Variants in DMD observed in about 807,000 individuals in gnomAD.
DMD encodes mutant dystrophin.
In DMD, 63 loss-of-function variants were observed where a neutral mutation model predicts 330.1. The ratio of observed to expected loss-of-function variants is 0.19; its 90% confidence interval spans 0.16 to 0.24. The LOEUF (loss-of-function observed/expected upper bound fraction) is 0.24, where lower values mean the gene tolerates loss of function less well. Among genes scored for constraint, DMD ranks in the 10% least tolerant of loss-of-function variants. DMD has a pLI of 1.00. For synonymous variants in DMD, 1,223 were observed against 959.8 expected, an observed-to-expected ratio of 1.27 and a Z score of -5.07; for missense variants, 3,344 against 2,684.1, an observed-to-expected ratio of 1.25 and a Z score of -5.43.
At chrX:32,949,351 T>TAGAC (rs1316579550) in intron 2 of DMD, among the ~76,000 whole-genome samples, 3 of 62,232 alleles carry the variant, frequency 4.8e-5, no homozygotes, top group Admixed American at 3.0e-4. Context: ...GGTAGATAGA[T>TAGAC]AGATAGATAG....
intron 2 of DMD, among the ~76,000 whole-genome samples, chrX:32,928,965 G>C (rs1393081406): frequency 9.0e-6 from 1 of 111,673 alleles, no homozygotes; most frequent in Non-Finnish European, 1.9e-5. Context: ...GTAAAGGAAG[G>C]TATGCATAGA....
intron 9 of DMD, among the ~76,000 whole-genome samples, chrX:32,665,796 A>G (rs977802279): frequency 4.5e-5 from 5 of 112,312 alleles, no homozygotes; most frequent in Non-Finnish European, 5.6e-5. Context: ...CGCCATGTCT[A>G]ATACACTCAG....
At chrX:32,099,427 A>G (rs942184368) in intron 44 of DMD, among the ~76,000 whole-genome samples, 3 of 110,765 alleles carry the variant, frequency 2.7e-5, no homozygotes, top group Non-Finnish European at 3.8e-5. Context: ...ATGCTGCTAT[A>G]AAGACACGTG....
At chrX:33,072,804 T>A (rs996074902) in intron 1 of DMD, among the ~76,000 whole-genome samples, 1 of 111,628 alleles carries the variant, frequency 9.0e-6, no homozygotes, top group African/African-American at 3.3e-5. Context: ...CCAGCTTTTA[T>A]GTTACACAGC....
chrX:32,387,135 C>T (rs1465497154), intron 32 of DMD, among the ~76,000 whole-genome samples: 1 of 110,797 alleles, frequency 9.0e-6, no homozygotes, highest in Non-Finnish European at 1.9e-5. Flanking sequence ...TTCACATGTA[C>T]ATCACAAATA....
At chrX:31,183,676 ATTGTT>A (rs779510214) in intron 67 of DMD, among the ~76,000 whole-genome samples, 2 of 110,449 alleles carry the variant, frequency 1.8e-5, no homozygotes, top group South Asian at 7.7e-4. Context: ...ACCCTATAGG[ATTGTT>A]TTAATTTTTT....
intron 60 of DMD, among the ~76,000 whole-genome samples, chrX:31,407,533 G>A (rs1443217852): frequency 9.7e-6 from 1 of 103,130 alleles, no homozygotes; most frequent in African/African-American, 3.6e-5. Context: ...GTGCAGTGGT[G>A]CAATCTTGGC....
chrX:32,514,523 C>A (rs867732486), intron 18 of DMD, among the ~76,000 whole-genome samples: 21 of 111,780 alleles, frequency 1.9e-4, no homozygotes, highest in East Asian at 1.4e-3. Flanking sequence ...GGGCGGATCA[C>A]GAGGTCAGGA....
At chrX:33,209,704 C>A (rs1306815531) in intron 1 of DMD, among the ~76,000 whole-genome samples, 1 of 111,049 alleles carries the variant, frequency 9.0e-6, no homozygotes, top group African/African-American at 3.3e-5. Context: ...GTTGCATAGG[C>A]ATTACTTGAT....
intron 7 of DMD, among the ~76,000 whole-genome samples, chrX:32,803,280 G>A (rs1379734310): frequency 1.8e-5 from 2 of 111,392 alleles, no homozygotes; most frequent in Non-Finnish European, 3.8e-5. Context: ...ATTCTCTGAT[G>A]GTAGTTTGTA....
At chrX:32,580,506 C>G (rs1459560113) in intron 13 of DMD, among the ~76,000 whole-genome samples, 1 of 111,939 alleles carries the variant, frequency 8.9e-6, no homozygotes, top group Admixed American at 9.5e-5. Context: ...AGTACAGACT[C>G]TCCTAGACAG....
At chrX:32,604,182 G>C (rs1241310185) in intron 12 of DMD, among the ~76,000 whole-genome samples, 1 of 110,274 alleles carries the variant, frequency 9.1e-6, no homozygotes, top group Non-Finnish European at 1.9e-5. Context: ...GGTAGGCAGG[G>C]ATATATGCAG....
intron 77 of DMD, among the ~76,000 whole-genome samples, chrX:31,132,093 A>G (rs146599325): frequency 0.012 from 1,378 of 112,085 alleles, 28 homozygotes; most frequent in African/African-American, 0.042. Context: ...GTATCGGACA[A>G]GGCTTCCTTC....
At chrX:31,936,902 C>G (rs182222483) in intron 45 of DMD, among the ~76,000 whole-genome samples, 1 of 110,964 alleles carries the variant, frequency 9.0e-6, no homozygotes, top group Non-Finnish European at 1.9e-5. Flanking sequence ...ATTTATGGTG[C>G]TTTCTTCATG....
chrX:33,171,348 C>A (rs2049334863), intron 1 of DMD, among the ~76,000 whole-genome samples: 1 of 110,993 alleles, frequency 9.0e-6, no homozygotes, highest in South Asian at 3.8e-4. Context: ...AAAGGAGATT[C>A]AAGATATGGC....
intron 2 of DMD, among the ~76,000 whole-genome samples, chrX:32,857,502 T>C (rs189714744): frequency 1.2e-3 from 135 of 112,403 alleles, no homozygotes; most frequent in African/African-American, 4.2e-3. Context: ...TTCACACTTA[T>C]CTGAGCAAAG....
At chrX:31,782,612 CTTATT>C (rs1362646186) in intron 50 of DMD, among the ~76,000 whole-genome samples, 1 of 111,027 alleles carries the variant, frequency 9.0e-6, no homozygotes, top group African/African-American at 3.3e-5. Flanking sequence ...AAAAATGATT[CTTATT>C]TTAAGTCTCT....
chrX:33,218,583 G>C (rs762532204), intron 1 of DMD, among the ~76,000 whole-genome samples: 1 of 110,563 alleles, frequency 9.0e-6, no homozygotes, highest in Non-Finnish European at 1.9e-5. Context: ...ACTATGATGC[G>C]TCTAAGCATG....
At chrX:32,335,885 TATATAACATGTTATAC>T (rs1244255181) in intron 41 of DMD, among the ~76,000 whole-genome samples, 1 of 105,214 alleles carries the variant, frequency 9.5e-6, no homozygotes, top group African/African-American at 3.5e-5. Context: ...TAACATGTTA[TATATAACATGTTATAC>T]ATATAACGTG....
Sources: gnomAD v4.1 joint callset for allele counts (sites outside exome capture counted in the v4.1 genomes callset) on GRCh38, gnomAD v4.1.1 for gene constraint, MANE v1.5 for transcripts, NCBI Gene and HGNC (gene_info 2026-07-23, HGNC 2026-07-21) for gene names.